Variants in PPP2CA observed in about 807,000 individuals in gnomAD.
The protein encoded by PPP2CA is protein phosphatase 2 catalytic subunit alpha, also known as serine/threonine-protein phosphatase 2A catalytic subunit alpha isoform.
Under a neutral mutation model 38.8 loss-of-function variants are expected in PPP2CA, and 5 were observed. That is an observed-to-expected ratio of 0.13 (90% confidence interval 0.07 to 0.27). The LOEUF (loss-of-function observed/expected upper bound fraction) is 0.27. PPP2CA is among the 10% of genes least tolerant of loss of function. The probability of loss-of-function intolerance (pLI) is 1.00; values close to 1 mark genes in which losing one functional copy is unlikely to be tolerated. For synonymous variants in PPP2CA, 152 were observed against 134.0 expected (o/e 1.13, Z -0.93); for missense variants, 88 against 389.7 (o/e 0.23, Z 6.52).
At chr5:134,221,087 G>C (rs1432040641) in intron 1 of PPP2CA, among the ~76,000 whole-genome samples, 1 of 152,164 alleles carries the variant, frequency 6.6e-6, no homozygotes, top group Non-Finnish European at 1.5e-5. Flanking sequence ...ACATTTGACT[G>C]TGGAAGCCAA....
intron 1 of PPP2CA, among the ~76,000 whole-genome samples, chr5:134,213,629 T>A (rs1012376817): frequency 6.6e-6 from 1 of 151,372 alleles, no homozygotes; most frequent in Non-Finnish European, 1.5e-5. Context: ...CTACGAAAAA[T>A]AAAAATTAGC....
At chr5:134,225,076 T>C (rs187849847) in intron 1 of PPP2CA, among the ~76,000 whole-genome samples, 44 of 152,350 alleles carry the variant, frequency 2.9e-4, no homozygotes, top group African/African-American at 1.0e-3. Context: ...CCTTATGTAG[T>C]ATGACTCACC....
Position 134,217,711 on chromosome 5 carries a change from C to T in PPP2CA, c.102+8049G>A, listed in dbSNP as rs531643834. The stretch of plus-strand genomic sequence containing the variant: ...TAGAACATATTACTAGCCCTGGAAG[C>T]AAATGAGTTTTGAGTTAATTTCCTT... On this transcript the variant is annotated intron_variant, in intron 1 of 6. Transcript: ENST00000481195. Among the ~76,000 whole-genome samples the T allele has an allele frequency of 2.0e-5, 3 of 152,310 alleles. No individual in the cohort carries two copies. In the South Asian group the frequency reaches 6.2e-4, roughly 32 times the overall value.
chr5:134,201,819 A>G, intron 3 of PPP2CA, 29 bp downstream of exon 3: 1 of 1,602,088 alleles, frequency 6.2e-7, no homozygotes. Context: ...TCTCTGAAAT[A>G]ATCAGCAATG....
At chr5:134,222,291 G>C (rs1379406502) in intron 1 of PPP2CA, among the ~76,000 whole-genome samples, 1 of 152,060 alleles carries the variant, frequency 6.6e-6, no homozygotes, top group Non-Finnish European at 1.5e-5. Flanking sequence ...ATCACTTCTA[G>C]AGAAATGAGC....
intron 1 of PPP2CA, among the ~76,000 whole-genome samples, chr5:134,215,058 T>C (rs561345460): frequency 6.6e-6 from 1 of 151,396 alleles, no homozygotes; most frequent in African/African-American, 2.4e-5. Context: ...AATCAATCAA[T>C]TGGGACCTAG....
intron 1 of PPP2CA, among the ~76,000 whole-genome samples, chr5:134,223,630 C>T (rs527575065): frequency 2.0e-5 from 3 of 152,200 alleles, no homozygotes; most frequent in Admixed American, 2.0e-4. Context: ...CTTAGTTTTA[C>T]AAAGATGTGG....
intron 1 of PPP2CA, among the ~76,000 whole-genome samples, chr5:134,220,734 T>A (rs1251775454): frequency 1.3e-5 from 2 of 152,184 alleles, no homozygotes; most frequent in African/African-American, 4.8e-5. Context: ...GCAAAGGCTA[T>A]CTCACAGGTA....
At chr5:134,210,096 T>C (rs946320249) in intron 1 of PPP2CA, among the ~76,000 whole-genome samples, 3 of 133,504 alleles carry the variant, frequency 2.2e-5, no homozygotes, top group Non-Finnish European at 4.9e-5. Context: ...TCCAGCCTGG[T>C]AGACAGCCAT....
At chr5:134,204,915 T>C (rs1412359877) in intron 2 of PPP2CA, among the ~76,000 whole-genome samples, 1 of 150,352 alleles carries the variant, frequency 6.7e-6, no homozygotes, top group Non-Finnish European at 1.5e-5. Flanking sequence ...AATTCTTTTT[T>C]TTCTTGAACT....
intron 1 of PPP2CA, among the ~76,000 whole-genome samples, chr5:134,217,184 G>C (rs1045690022): frequency 2.0e-5 from 3 of 152,176 alleles, no homozygotes; most frequent in Non-Finnish European, 4.4e-5. Context: ...GGAGGCTGGG[G>C]CAGGAGAATT....
In PPP2CA at chr5:134,206,021, A is replaced by T; in HGVS notation, c.213T>A (p.Ile71=). ...QFHDLMELFR[I]GGKSPDTNYL... ...AATTTGTATCTGGTGATTTGCCACCAATTCTAAACAGTTCCATGAGATCAT... is the reference window on the plus strand; with the variant it reads ...AATTTGTATCTGGTGATTTGCCACCTATTCTAAACAGTTCCATGAGATCAT... Residue 71 remains isoleucine (I), a synonymous_variant, in exon 2 of 7, where the codon ATT becomes ATA. Transcript: ENST00000481195. 1.2e-6 allele frequency: 2 copies of T among 1,614,096 alleles called. No individual in the cohort carries two copies. The highest frequency in any genetic ancestry group is 1.7e-6 in the Non-Finnish European group (2 of 1,179,936).
rs10050924 is a variant in PPP2CA, at chr5:134,225,565, G to A, written c.102+195C>T. The A allele has an allele frequency of 2.5e-3, 1,233 of 500,594 alleles. 24 individuals carry two copies. The highest frequency in any genetic ancestry group is 0.023 in the African/African-American group (1,109 of 48,684). The allele number at this position is 500,594 out of a possible 1,614,324, so 31.0% of individuals were successfully genotyped here. On this transcript the variant is annotated intron_variant, in intron 1 of 6. Transcript: ENST00000481195. ...GAACGGCGCCATTTTAGGCGGCGGC[G>A]GCAACCAATCCCTGCGCGGGAGGCA... is the stretch of plus-strand genomic sequence containing the variant.
Position 134,226,040 on chromosome 5 carries a change from C to A in PPP2CA, c.-179G>T. 1 of 537,068 alleles carries A rather than the reference C, an allele frequency of 1.9e-6. No homozygotes were observed. The highest frequency in any genetic ancestry group is 3.7e-5 in the Admixed American group (1 of 26,960). The allele number at this position is 537,068 out of a possible 1,614,324, so 33.3% of individuals were successfully genotyped here. ...GCCGTCGGCCGCTGCGCCTCCTCCT[C>A]CGCTCGCTGAGGCTCCAGAGCTCGG... On this transcript the variant is annotated 5_prime_UTR_variant, in exon 1 of 7. Transcript: ENST00000481195.
At chr5:134,223,033 C>T (rs533087030) in intron 1 of PPP2CA, among the ~76,000 whole-genome samples, 57 of 152,186 alleles carry the variant, frequency 3.7e-4, no homozygotes, top group African/African-American at 1.2e-3. Flanking sequence ...TAACAATGAC[C>T]TCTTATGGTA....
rs750076300 is a variant in PPP2CA at position 134,225,866 on chromosome 5, C to T, written c.-5G>A. 3 of 1,604,038 alleles carry T rather than the reference C, an allele frequency of 1.9e-6. No homozygotes were observed. The highest frequency in any genetic ancestry group is 1.7e-5 in the Admixed American group (1 of 59,844). The stretch of plus-strand genomic sequence containing the variant: ...GGTGAACACCTTCTCGTCCATGATG[C>T]CACCCGCCCCAGCCGGCTGCCGCTC... On this transcript the variant is annotated 5_prime_UTR_variant, in exon 1 of 7. Transcript: ENST00000481195.
In PPP2CA at chr5:134,225,932, G is replaced by C. The variant is rs139655270; in HGVS notation, c.-71C>G. The C allele has an allele frequency of 1.1e-3, 1,562 of 1,378,586 alleles. 10 individuals are homozygous for C. The African/African-American group carries it at 0.016, about 14-fold the overall frequency. The allele number at this position is 1,378,586 out of a possible 1,614,324, so 85.4% of individuals were successfully genotyped here. On this transcript the variant is annotated 5_prime_UTR_variant, in exon 1 of 7. Coordinates refer to ENST00000481195, the MANE Select transcript of PPP2CA (RefSeq NM_002715.4). ...CCGCCGCCCGCACACGGGCCTACACGCACACGCCGCCGCCGGTTCCTCGTG... is the reference window on the plus strand; with the variant it reads ...CCGCCGCCCGCACACGGGCCTACACCCACACGCCGCCGCCGGTTCCTCGTG...
chr5:134,212,586 G>A (rs1206880054), intron 1 of PPP2CA, among the ~76,000 whole-genome samples: 2 of 152,132 alleles, frequency 1.3e-5, no homozygotes, highest in African/African-American at 4.8e-5. Context: ...TCAAGTGAAA[G>A]GAAGAGTTGC....
At chr5:134,212,528 A>C (rs1314671196) in intron 1 of PPP2CA, among the ~76,000 whole-genome samples, 1 of 152,168 alleles carries the variant, frequency 6.6e-6, no homozygotes, top group Admixed American at 6.5e-5. Context: ...CCTGAGACAC[A>C]ATATTGAAAT....
Sources: gnomAD v4.1 joint callset for allele counts (sites outside exome capture counted in the v4.1 genomes callset) on GRCh38, gnomAD v4.1.1 for gene constraint, MANE v1.5 for transcripts, NCBI Gene and HGNC (gene_info 2026-07-23, HGNC 2026-07-21) for gene names.